Variants in PDE8A observed in about 807,000 individuals in gnomAD.
PDE8A encodes phosphodiesterase 8A, also known as high affinity cAMP-specific and IBMX-insensitive 3',5'-cyclic phosphodiesterase 8A.
In PDE8A, 59 loss-of-function variants were observed where a neutral mutation model predicts 105.0. The observed-to-expected ratio is 0.56, with a 90% confidence interval of 0.46 to 0.70. PDE8A has a LOEUF of 0.70. PDE8A is among the 30% of genes least tolerant of loss of function. The probability of loss-of-function intolerance (pLI) is 0.00; values close to 1 mark genes in which losing one functional copy is unlikely to be tolerated. For synonymous variants in PDE8A, 355 were observed against 371.9 expected, an observed-to-expected ratio of 0.95 and a Z score of 0.52; for missense variants, 1,014 against 1,045.9, an observed-to-expected ratio of 0.97 and a Z score of 0.42.
At chr15:85,136,690 A>G (rs751966331) in intron 21 of PDE8A, 27 bp downstream of exon 21, 1 of 1,607,106 alleles carries the variant, frequency 6.2e-7, no homozygotes, top group Non-Finnish European at 8.5e-7. Flanking sequence ...AAAATAGCAT[A>G]TTTTCCTCTA....
intron 5 of PDE8A, among the ~76,000 whole-genome samples, chr15:85,080,238 A>G (rs2081443718): frequency 6.6e-6 from 1 of 151,962 alleles, no homozygotes. Context: ...CCCTTTTTGG[A>G]CAACCCCCAC....
At chr15:85,068,512 G>A (rs2081265303) in intron 3 of PDE8A, among the ~76,000 whole-genome samples, 1 of 152,132 alleles carries the variant, frequency 6.6e-6, no homozygotes, top group Non-Finnish European at 1.5e-5. Context: ...GCCTTCTCTG[G>A]GGATGTTTTA....
intron 1 of PDE8A, among the ~76,000 whole-genome samples, chr15:85,029,178 T>G (rs1273477369): frequency 6.6e-6 from 1 of 152,190 alleles, no homozygotes; most frequent in Non-Finnish European, 1.5e-5. Context: ...AGCCCTGAAA[T>G]TCTTGTTTAA....
At position 84,982,268 on chromosome 15, in the gene PDE8A, G is replaced by A. The variant is rs1316223967; in HGVS notation, c.106G>A (p.Gly36Ser). ...GTCCGGCGGGCCGCGCCTCCCGCAG[G>A]GCCAGAAGACGGCCGCCTTGCCCCG... ...LSSGGPRLPQ[G>S]QKTAALPRTR... The change falls in exon 1 of 22, where the codon GGC becomes AGC. Residue 36 changes from glycine (G) to serine (S), a missense_variant. Transcript: ENST00000394553. 2 of 1,445,424 alleles carry A rather than the reference G, an allele frequency of 1.4e-6. No individual in the cohort carries two copies. The highest frequency in any genetic ancestry group is 3.0e-5 in the East Asian group (1 of 33,624). 89.5% of individuals were successfully genotyped at this position (1,445,424 alleles called of 1,614,324 possible).
At chr15:85,091,566 C>T (rs2081644046) in intron 8 of PDE8A, among the ~76,000 whole-genome samples, 2 of 152,138 alleles carry the variant, frequency 1.3e-5, no homozygotes, top group African/African-American at 2.4e-5. Flanking sequence ...CTCCAAGCCT[C>T]GTTAATTCAT....
At chr15:84,983,292 A>G (rs1447708851) in intron 1 of PDE8A, among the ~76,000 whole-genome samples, 1 of 152,266 alleles carries the variant, frequency 6.6e-6, no homozygotes, top group African/African-American at 2.4e-5. Context: ...AAATTCGTGC[A>G]TGGCTGCAGA....
At chr15:85,054,372 C>G (rs188043138) in intron 1 of PDE8A, among the ~76,000 whole-genome samples, 1 of 151,980 alleles carries the variant, frequency 6.6e-6, no homozygotes, top group Admixed American at 6.6e-5. Flanking sequence ...TTCTATTGAT[C>G]GGAATAGTTT....
intron 1 of PDE8A, among the ~76,000 whole-genome samples, chr15:84,988,474 T>C (rs2079837821): frequency 6.6e-6 from 1 of 152,184 alleles, no homozygotes; most frequent in South Asian, 2.1e-4. Flanking sequence ...TGAAGCTAGA[T>C]ATTTTGTGAC....
At chr15:85,137,582 C>T (rs963656284) in intron 21 of PDE8A, among the ~76,000 whole-genome samples, 6 of 152,270 alleles carry the variant, frequency 3.9e-5, no homozygotes, top group Admixed American at 3.9e-4. Flanking sequence ...GTTACCAGCT[C>T]AGCAGGTGGT....
Position 85,137,889 on chromosome 15 carries a change from C to T in PDE8A, c.2476C>T (p.Pro826Ser), listed in dbSNP as rs199658876. 9.4e-5 allele frequency: 151 copies of T among 1,605,926 alleles called. No individual in the cohort carries two copies. Among genetic ancestry groups the T allele is most frequent in the Non-Finnish European group, 1.3e-4 (148 of 1,172,550 alleles). ...LDEMKLRNLR[P>S]PPE ...CGAAATGAAGCTGCGGAACCTCCGA[C>T]CACCTCCTGAATAGTGGGAGACACC... Residue 826 changes from proline (P) to serine (S), a missense_variant, in exon 22 of 22, where the codon CCA becomes TCA. Pro to Ser is a moderately conservative substitution (Grantham distance 74, BLOSUM62 -1). Transcript: ENST00000394553.
At chr15:85,116,839 C>G (rs1018826469) in intron 16 of PDE8A, among the ~76,000 whole-genome samples, 1 of 152,200 alleles carries the variant, frequency 6.6e-6, no homozygotes, top group South Asian at 2.1e-4. Flanking sequence ...CCTTCTGATA[C>G]GTTCTACTTC....
intron 20 of PDE8A, among the ~76,000 whole-genome samples, chr15:85,130,466 CTGTT>C (rs2082315486): frequency 6.6e-6 from 1 of 152,010 alleles, no homozygotes; most frequent in South Asian, 2.1e-4. Context: ...AAAATATATA[CTGTT>C]TGTTTTGTGG....
intron 20 of PDE8A, among the ~76,000 whole-genome samples, chr15:85,134,918 G>A (rs2082383236): frequency 1.3e-5 from 2 of 152,200 alleles, no homozygotes; most frequent in South Asian, 2.1e-4. Context: ...GGGTGACTGA[G>A]TGCACAGAAA....
intron 3 of PDE8A, among the ~76,000 whole-genome samples, chr15:85,073,452 T>C (rs1360813796): frequency 6.6e-6 from 1 of 152,208 alleles, no homozygotes; most frequent in African/African-American, 2.4e-5. Flanking sequence ...AGGTCCTCCC[T>C]TCCACTTTAT....
chr15:85,131,058 G>A (rs2082323687), intron 20 of PDE8A, among the ~76,000 whole-genome samples: 1 of 152,142 alleles, frequency 6.6e-6, no homozygotes, highest in Non-Finnish European at 1.5e-5. Flanking sequence ...CGCCTGGCCT[G>A]TAACAGTTTT....
At chr15:85,133,063 A>C (rs1407127078) in intron 20 of PDE8A, among the ~76,000 whole-genome samples, 3 of 152,214 alleles carry the variant, frequency 2.0e-5, no homozygotes, top group Non-Finnish European at 4.4e-5. Context: ...TCTCAGCCTT[A>C]CAATTAACCC....
At position 85,067,087 on chromosome 15, in the gene PDE8A, A is replaced by G; in HGVS notation, c.317A>G (p.Lys106Arg). 6.2e-7 allele frequency: 1 copy of G among 1,613,876 alleles called. No homozygotes were observed. The highest frequency in any genetic ancestry group is 1.1e-5 in the South Asian group (1 of 91,078). ...AGGGCATGTGAAAAAGCAGGGTTTA[A>G]GTGTACAGTTACCAAGGAGGCTCAG... ...FCRACEKAGF[K>R]CTVTKEAQAV... Residue 106 changes from lysine (K) to arginine (R), a missense_variant, in exon 3 of 22, where the codon AAG becomes AGG. Coordinates refer to ENST00000394553, the MANE Select transcript of PDE8A (RefSeq NM_002605.3).
intron 1 of PDE8A, among the ~76,000 whole-genome samples, chr15:85,029,568 C>A (rs2080578387): frequency 6.6e-6 from 1 of 152,104 alleles, no homozygotes; most frequent in Non-Finnish European, 1.5e-5. Context: ...ATACATTTTA[C>A]TTCTATTTAT....
intron 1 of PDE8A, among the ~76,000 whole-genome samples, chr15:84,990,019 A>G (rs2079861637): frequency 6.6e-6 from 1 of 152,098 alleles, no homozygotes; most frequent in African/African-American, 2.4e-5. Context: ...AGTATACTCA[A>G]CCCCTAAATA....
Sources: allele counts gnomAD v4.1 joint callset (sites outside exome capture counted in the v4.1 genomes callset), GRCh38; gene constraint gnomAD v4.1.1; transcripts MANE v1.5; gene names NCBI Gene and HGNC (gene_info 2026-07-23, HGNC 2026-07-21).